WDR47: variants seen among roughly 807,000 people sequenced by gnomAD.
WDR47 encodes the protein WD repeat domain 47.
In WDR47, 32 loss-of-function variants were observed where a neutral mutation model predicts 97.2. The observed-to-expected ratio is 0.33, with a 90% confidence interval of 0.25 to 0.44. The LOEUF (loss-of-function observed/expected upper bound fraction) is 0.44. Among genes scored for constraint, WDR47 ranks in the 20% least tolerant of loss-of-function variants. The pLI is 1.00. For missense variants in WDR47, 782 were observed against 1,102.3 expected (o/e 0.71, Z 4.11); for synonymous variants, 375 against 373.5 (o/e 1.00, Z -0.05).
At chr1:108,983,989 G>C (rs2101824362) in intron 10 of WDR47, among the ~76,000 whole-genome samples, 1 of 152,286 alleles carries the variant, frequency 6.6e-6, no homozygotes, top group Middle Eastern at 3.4e-3. Context: ...GGCCTTAAAG[G>C]ATAAGGCAAA....
At chr1:109,020,791 A>G (rs1213880890) in intron 2 of WDR47, among the ~76,000 whole-genome samples, 3 of 151,920 alleles carry the variant, frequency 2.0e-5, no homozygotes, top group Admixed American at 6.6e-5. Context: ...AAGTGCAACA[A>G]GTTTAAATAG....
chr1:108,988,282 A>G (rs1659018027), intron 9 of WDR47, among the ~76,000 whole-genome samples: 1 of 148,452 alleles, frequency 6.7e-6, no homozygotes, highest in African/African-American at 2.5e-5. Flanking sequence ...GCATTCCTAT[A>G]TTAAGTTCTC....
rs1658476909 is a variant in WDR47, at chr1:108,983,137, T to C, written c.2095+145A>G. 3 of 885,850 alleles carry C rather than the reference T, an allele frequency of 3.4e-6. No individual in the cohort carries two copies. The Admixed American group carries it at 1.1e-4, about 33-fold the overall frequency. The allele number at this position is 885,850 out of a possible 1,614,324, so 54.9% of individuals were successfully genotyped here. On this transcript the variant is annotated intron_variant, in intron 11 of 14. Coordinates refer to ENST00000369962, the MANE Select transcript of WDR47 (RefSeq NM_001142551.2). ...AAGAAAGAGTAATACCTCATGAATG[T>C]AACTAAACAATTAGAATTATTGAAA...
chr1:109,026,781 T>C (rs1662243714), intron 1 of WDR47, among the ~76,000 whole-genome samples: 1 of 152,162 alleles, frequency 6.6e-6, no homozygotes, highest in African/African-American at 2.4e-5. Flanking sequence ...AGTCCAGATA[T>C]AAAGTTACTC....
intron 2 of WDR47, among the ~76,000 whole-genome samples, chr1:109,017,984 G>C (rs972611444): frequency 4.0e-5 from 6 of 151,378 alleles, no homozygotes; most frequent in African/African-American, 1.5e-4. Context: ...CCTGACCTCA[G>C]GTGATCCACC....
At chr1:109,022,538 T>A (rs1661917801) in intron 2 of WDR47, among the ~76,000 whole-genome samples, 2 of 152,220 alleles carry the variant, frequency 1.3e-5, no homozygotes, top group Non-Finnish European at 2.9e-5. Context: ...TGGGTCTTAC[T>A]ACTGAAAACA....
At chr1:108,984,278 C>T (rs1335646267) in intron 10 of WDR47, among the ~76,000 whole-genome samples, 1 of 152,084 alleles carries the variant, frequency 6.6e-6, no homozygotes, top group East Asian at 1.9e-4. Flanking sequence ...CACTTTGAAA[C>T]ACGAACTAAT....
chr1:108,999,869 G>C (rs113792327), intron 7 of WDR47, among the ~76,000 whole-genome samples: 3 of 152,138 alleles, frequency 2.0e-5, no homozygotes, highest in African/African-American at 7.2e-5. Context: ...AAGTTGGTCA[G>C]AAATTCAAAT....
chr1:108,984,076 A>G (rs776004268), intron 10 of WDR47, among the ~76,000 whole-genome samples: 1 of 152,158 alleles, frequency 6.6e-6, no homozygotes, highest in South Asian at 2.1e-4. Flanking sequence ...CTGGCTGAGC[A>G]TGCAGCAATG....
At chr1:109,014,481 C>T (rs1311659111) in intron 3 of WDR47, among the ~76,000 whole-genome samples, 1 of 151,556 alleles carries the variant, frequency 6.6e-6, no homozygotes, top group East Asian at 1.9e-4. Context: ...GTCACCCAAG[C>T]TGGAGTACAG....
chr1:108,988,176 T>C (rs1342943787), intron 9 of WDR47, among the ~76,000 whole-genome samples: 3 of 136,758 alleles, frequency 2.2e-5, no homozygotes, highest in Admixed American at 7.9e-5. Flanking sequence ...GTCTGGGAGG[T>C]TGAGGCTATA....
intron 14 of WDR47, 43 bp from the exon 15 acceptor site, chr1:108,971,615 A>G (rs776495559): frequency 3.7e-6 from 6 of 1,607,660 alleles, no homozygotes; most frequent in South Asian, 2.2e-5. Flanking sequence ...CAAAATAAGT[A>G]TATGTATAGA....
Position 108,971,551 on chromosome 1 carries a change from G to A in WDR47, c.2639C>T (p.Pro880Leu). 4 of 1,614,140 alleles carry A rather than the reference G, an allele frequency of 2.5e-6. No individual in the cohort carries two copies. Among genetic ancestry groups the A allele is most frequent in the Non-Finnish European group, 3.4e-6 (4 of 1,180,042 alleles). Residue 880 changes from proline to leucine, a missense_variant, in exon 15 of 15, where the codon CCT (proline) becomes CTT (leucine). Physicochemically the swap from Pro to Leu is moderately conservative, Grantham distance 98 (BLOSUM62 -3). Transcript: ENST00000369962. ...DLQGDLTKQL[P>L]IMVVGEHKDK... Reference sequence around the variant, plus strand: ...CTTGTGCTCCCCCACCACCATGATAGGAAGCTGCTTGGTGAGGTCCCCTAA... The same window carrying A: ...CTTGTGCTCCCCCACCACCATGATAAGAAGCTGCTTGGTGAGGTCCCCTAA...
chr1:109,035,523 A>G (rs1662885441), intron 1 of WDR47, among the ~76,000 whole-genome samples: 1 of 143,112 alleles, frequency 7.0e-6, no homozygotes. Context: ...TTTGAGACGG[A>G]GTCTTACTCT....
rs201047851 is a variant in WDR47 at position 109,011,336 on chromosome 1, C to G, written c.710G>C (p.Cys237Ser). ...LGIDLLCGNGCDDLDLSLLSW... is the reference protein window; with the variant it reads ...LGIDLLCGNGSDDLDLSLLSW... ...CAGTAAACTCAGATCCAAATCATCA[C>G]AACCATTACCACATAAGAGGTCGAT... is the stretch of plus-strand genomic sequence containing the variant. Residue 237 changes from cysteine to serine, a missense_variant, in exon 5 of 15, where the codon TGT becomes TCT. Cys to Ser is a moderately radical substitution (Grantham distance 112, BLOSUM62 -1). This residue lies in a region of WDR47 where 428 missense variants were observed against 584.3 expected (regional missense o/e 0.73). Coordinates refer to ENST00000369962, the MANE Select transcript of WDR47 (RefSeq NM_001142551.2). 6.2e-7 allele frequency: 1 copy of G among 1,614,220 alleles called. No homozygotes were observed. Among genetic ancestry groups the G allele is most frequent in the South Asian group, 1.1e-5 (1 of 91,090 alleles).
intron 5 of WDR47, among the ~76,000 whole-genome samples, chr1:109,008,079 G>A (rs754996611): frequency 3.3e-5 from 5 of 151,120 alleles, no homozygotes; most frequent in Admixed American, 6.6e-5. Context: ...TCTAGCCTGC[G>A]CAACAGAGCA....
At chr1:108,984,350 A>G (rs1000542338) in intron 10 of WDR47, among the ~76,000 whole-genome samples, 2 of 152,230 alleles carry the variant, frequency 1.3e-5, no homozygotes, top group African/African-American at 2.4e-5. Context: ...AAGAAAATGT[A>G]CATGTTTCTG....
chr1:109,019,284 T>G (rs1314592869), intron 2 of WDR47, among the ~76,000 whole-genome samples: 2 of 149,480 alleles, frequency 1.3e-5, no homozygotes, highest in African/African-American at 5.0e-5. Context: ...CTCGGGAAGC[T>G]GAGGCAGGGA....
At chr1:109,037,897 C>A (rs1362675978) in intron 1 of WDR47, among the ~76,000 whole-genome samples, 1 of 152,024 alleles carries the variant, frequency 6.6e-6, no homozygotes, top group Non-Finnish European at 1.5e-5. Context: ...GTCTCACTGT[C>A]TCCCAGGCTG....
Sources: allele counts gnomAD v4.1 joint callset (sites outside exome capture counted in the v4.1 genomes callset), GRCh38; gene constraint gnomAD v4.1.1; regional missense constraint gnomAD v4.1.1; transcripts MANE v1.5; gene names NCBI Gene and HGNC (gene_info 2026-07-23, HGNC 2026-07-21).